RTL4: variants seen among roughly 807,000 people sequenced by gnomAD.
RTL4 encodes retrotransposon Gag-like protein 4.
In RTL4, 4 loss-of-function variants were observed where a neutral mutation model predicts 5.3. The observed-to-expected ratio is 0.75, with a 90% CI of 0.37 to 1.72. The LOEUF is 1.72. Ranked by LOEUF, RTL4 falls within the 40% of genes most tolerant of loss-of-function variation. The probability of loss-of-function intolerance (pLI) is 0.04; values close to 1 mark genes in which losing one functional copy is unlikely to be tolerated. For missense variants in RTL4, 260 were observed against 227.1 expected (o/e 1.14, Z -0.93); for synonymous variants, 98 against 87.3 (o/e 1.12, Z -0.68).
At chrX:112,193,104 G>A in the RTL4 span, among the ~76,000 whole-genome samples, 1 of 111,464 alleles carries the variant, frequency 9.0e-6, no homozygotes, top group Non-Finnish European at 1.9e-5. Context: ...ATGGTTTCTG[G>A]TGAGAAATCA....
the RTL4 span, among the ~76,000 whole-genome samples, chrX:112,202,647 G>A: frequency 3.7e-5 from 4 of 107,504 alleles, no homozygotes; most frequent in Admixed American, 2.0e-4. Context: ...TGCAACCTCC[G>A]CCTCCTGGGT....
At chrX:112,200,360 C>A in the RTL4 span, among the ~76,000 whole-genome samples, 40 of 111,838 alleles carry the variant, frequency 3.6e-4, 1 homozygote, top group Non-Finnish European at 1.3e-4. Context: ...TTCATGAAGT[C>A]AGAGATTTTG....
At chrX:112,290,960 T>C in the RTL4 span, among the ~76,000 whole-genome samples, 1 of 112,000 alleles carries the variant, frequency 8.9e-6, no homozygotes, top group Admixed American at 9.5e-5. Context: ...AAATGGGATA[T>C]GGTCATTGCA....
chrX:112,119,148 CT>C, the RTL4 span, among the ~76,000 whole-genome samples: 2 of 109,220 alleles, frequency 1.8e-5, no homozygotes, highest in Non-Finnish European at 3.8e-5. Flanking sequence ...CCATTTTGTA[CT>C]TTTTTTTCTA....
the RTL4 span, among the ~76,000 whole-genome samples, chrX:112,245,862 GA>G: frequency 8.9e-6 from 1 of 112,099 alleles, no homozygotes; most frequent in African/African-American, 3.2e-5. Context: ...TGATGATGGT[GA>G]CCTACAGATG....
At chrX:112,446,327 C>G in the RTL4 span, among the ~76,000 whole-genome samples, 1 of 111,733 alleles carries the variant, frequency 8.9e-6, no homozygotes, top group East Asian at 2.8e-4. Flanking sequence ...TAGCCACAAA[C>G]TAAATGACCC....
At chrX:112,166,023 C>G in the RTL4 span, among the ~76,000 whole-genome samples, 5 of 112,321 alleles carry the variant, frequency 4.5e-5, no homozygotes, top group Admixed American at 1.9e-4. Context: ...GACTTGCTGA[C>G]ACCTCCTCCA....
chrX:112,097,055 G>A, the RTL4 span, among the ~76,000 whole-genome samples: 1 of 111,755 alleles, frequency 8.9e-6, no homozygotes, highest in Non-Finnish European at 1.9e-5. Flanking sequence ...TGACTGCTGA[G>A]GTGTATGGGA....
the RTL4 span, among the ~76,000 whole-genome samples, chrX:112,156,170 A>G: frequency 8.9e-6 from 1 of 111,969 alleles, no homozygotes; most frequent in African/African-American, 3.2e-5. Context: ...TTTTCAATCC[A>G]TTTCACTATT....
chrX:112,445,663 A>G, the RTL4 span, among the ~76,000 whole-genome samples: 5 of 111,821 alleles, frequency 4.5e-5, no homozygotes, highest in Middle Eastern at 4.6e-3. Flanking sequence ...AATAGCTGCA[A>G]TGAGCCAGGT....
the RTL4 span, among the ~76,000 whole-genome samples, chrX:112,271,049 GAAAA>G: frequency 9.9e-5 from 6 of 60,864 alleles, no homozygotes; most frequent in African/African-American, 1.6e-4. Flanking sequence ...CCTGGAGACA[GAAAA>G]AAAAAAAAAA....
the RTL4 span, among the ~76,000 whole-genome samples, chrX:112,230,032 G>A: frequency 8.9e-6 from 1 of 112,385 alleles, no homozygotes; most frequent in Admixed American, 9.3e-5. Flanking sequence ...TGCGTGCTGG[G>A]AGAACCACTA....
At chrX:112,185,376 A>ATATATAT in the RTL4 span, among the ~76,000 whole-genome samples, 40 of 85,335 alleles carry the variant, frequency 4.7e-4, no homozygotes, top group Non-Finnish European at 7.4e-4. Context: ...CTATTTTATT[A>ATATATAT]ATATATATAT....
chrX:112,402,589 C>A, the RTL4 span, among the ~76,000 whole-genome samples: 2 of 111,083 alleles, frequency 1.8e-5, no homozygotes, highest in Non-Finnish European at 3.8e-5. Context: ...ATTTGGAATA[C>A]AGACCTGTCT....
At chrX:112,120,280 G>A in the RTL4 span, among the ~76,000 whole-genome samples, 7 of 112,085 alleles carry the variant, frequency 6.2e-5, no homozygotes. Context: ...TTGTTTGTTT[G>A]TTTGTTTTGT....
chrX:112,341,191 C>T, the RTL4 span, among the ~76,000 whole-genome samples: 2 of 107,788 alleles, frequency 1.9e-5, no homozygotes, highest in African/African-American at 3.4e-5. Flanking sequence ...AATTGTCAAA[C>T]GACAGTTAAG....
chrX:112,419,035 T>TATATATATATATATATC, the RTL4 span, among the ~76,000 whole-genome samples: 8 of 6,067 alleles, frequency 1.3e-3, no homozygotes, highest in Middle Eastern at 0.11. Flanking sequence ...ACATAAGATA[T>TATATATATATATATATC]ATATATATAT....
chrX:112,359,736 G>A, the RTL4 span, among the ~76,000 whole-genome samples: 2 of 110,851 alleles, frequency 1.8e-5, no homozygotes, highest in Non-Finnish European at 3.8e-5. Context: ...CTGGCTGCCC[G>A]TTGTGACAGG....
At chrX:112,398,396 C>CTTTTT in the RTL4 span, among the ~76,000 whole-genome samples, 455 of 72,004 alleles carry the variant, frequency 6.3e-3, 1 homozygote, top group African/African-American at 0.012. Context: ...TTCTTTCTTT[C>CTTTTT]TTTTTTTTTT....
Sources: allele counts gnomAD v4.1 joint callset (sites outside exome capture counted in the v4.1 genomes callset), GRCh38; gene constraint gnomAD v4.1.1; transcripts MANE v1.5; gene names NCBI Gene and HGNC (gene_info 2026-07-23, HGNC 2026-07-21).